The following RALYL variants were observed in gnomAD, a reference collection of about 807,000 sequenced individuals.
RALYL encodes RALY RNA binding protein like.
In RALYL, 29 loss-of-function variants were observed where a neutral mutation model predicts 35.1. The ratio of observed to expected loss-of-function variants is 0.83; its 90% confidence interval spans 0.61 to 1.13. The LOEUF (loss-of-function observed/expected upper bound fraction) is 1.13. Ranked by LOEUF, RALYL falls within the 50% of genes most tolerant of loss-of-function variation. The pLI is 0.00. For synonymous variants in RALYL, 120 were observed against 127.6 expected (o/e 0.94, Z 0.40); for missense variants, 359 against 360.4 (o/e 1.00, Z 0.03).
At chr8:84,868,433 C>T (rs920953908) in intron 6 of RALYL, among the ~76,000 whole-genome samples, 1 of 152,092 alleles carries the variant, frequency 6.6e-6, no homozygotes, top group African/African-American at 2.4e-5. Context: ...GCTCAAGCAA[C>T]TCTCCTGCCT....
At chr8:84,747,407 C>T (rs1808865403) in intron 2 of RALYL, among the ~76,000 whole-genome samples, 2 of 151,840 alleles carry the variant, frequency 1.3e-5, no homozygotes, top group Non-Finnish European at 2.9e-5. Context: ...AATACAATGT[C>T]TCCTTTGACT....
intron 1 of RALYL, among the ~76,000 whole-genome samples, chr8:84,197,945 A>G (rs1025595488): frequency 6.6e-6 from 1 of 152,150 alleles, no homozygotes; most frequent in African/African-American, 2.4e-5. Context: ...GATTTCCAGT[A>G]CCTAGACAGT....
intron 1 of RALYL, among the ~76,000 whole-genome samples, chr8:84,298,663 C>T (rs950993408): frequency 6.6e-6 from 1 of 152,034 alleles, no homozygotes; most frequent in Non-Finnish European, 1.5e-5. Context: ...TCCATTTTAG[C>T]AGTATTGATT....
At chr8:84,562,985 G>A in intron 2 of RALYL, among the ~76,000 whole-genome samples, 1 of 151,860 alleles carries the variant, frequency 6.6e-6, no homozygotes, top group Non-Finnish European at 1.5e-5. Flanking sequence ...TTTCCTTGCA[G>A]AGAAATGTAG....
At chr8:84,860,609 C>G (rs1343186784) in intron 5 of RALYL, among the ~76,000 whole-genome samples, 1 of 152,198 alleles carries the variant, frequency 6.6e-6, no homozygotes, top group East Asian at 1.9e-4. Context: ...CCCTTTTCAG[C>G]CTCATCCTGC....
At position 84,419,231 on chromosome 8, in the gene RALYL, T is replaced by C. The variant is rs143944039; in HGVS notation, c.-23-110068T>C. On this transcript the variant is annotated intron_variant, in intron 1 of 8. Coordinates refer to ENST00000521268, the MANE Select transcript of RALYL (RefSeq NM_173848.7). ...TTCACAGAGGACTTTGCGTTGTGGC[T>C]CATAGTCTTCTTGTTCACCATAATT... 3.3e-5 allele frequency among the ~76,000 whole-genome samples: 5 copies of C among 152,276 alleles called. No individual in the cohort carries two copies. The East Asian group carries it at 9.6e-4, about 29-fold the overall frequency.
In RALYL at chr8:84,194,646, A is replaced by G. The variant is rs140284178; in HGVS notation, c.-24+10222A>G. ...ATTTTTATTAACATCAGAAGTCCAGATAGCAGGTATATAGCTATATTTACT... is the reference window on the plus strand; with the variant it reads ...ATTTTTATTAACATCAGAAGTCCAGGTAGCAGGTATATAGCTATATTTACT... On this transcript the variant is annotated intron_variant, in intron 1 of 8. Coordinates refer to ENST00000521268, the MANE Select transcript of RALYL (RefSeq NM_173848.7). 2.0e-3 allele frequency among the ~76,000 whole-genome samples: 298 copies of G among 152,302 alleles called. 7 individuals are homozygous for G. The highest frequency in any genetic ancestry group is 6.8e-3 in the African/African-American group (284 of 41,580).
At chr8:84,625,660 T>C (rs1822562269) in intron 2 of RALYL, among the ~76,000 whole-genome samples, 1 of 152,258 alleles carries the variant, frequency 6.6e-6, no homozygotes, top group East Asian at 1.9e-4. Context: ...CACAAAGAGG[T>C]TAAGCAACTT....
intron 1 of RALYL, among the ~76,000 whole-genome samples, chr8:84,327,543 G>A (rs1488519670): frequency 6.6e-6 from 1 of 152,104 alleles, no homozygotes; most frequent in Admixed American, 6.6e-5. Context: ...AAATAGTTTT[G>A]TTGGAACACA....
chr8:84,303,746 TA>T (rs1375664124), intron 1 of RALYL, among the ~76,000 whole-genome samples: 1 of 152,204 alleles, frequency 6.6e-6, no homozygotes, highest in African/African-American at 2.4e-5. Context: ...AATAATGATA[TA>T]TTTTTTTGTT....
chr8:84,357,968 T>C (rs1259613928), intron 1 of RALYL, among the ~76,000 whole-genome samples: 1 of 151,652 alleles, frequency 6.6e-6, no homozygotes, highest in Non-Finnish European at 1.5e-5. Context: ...AGTATTTTTC[T>C]TTATGATGTG....
chr8:84,579,192 C>T (rs1810249646), intron 2 of RALYL, among the ~76,000 whole-genome samples: 5 of 152,176 alleles, frequency 3.3e-5, no homozygotes, highest in Admixed American at 3.3e-4. Context: ...CAGCAGGAGG[C>T]AGTCTTGTTG....
chr8:84,906,585 T>C (rs1333376215), intron 8 of RALYL, among the ~76,000 whole-genome samples: 1 of 152,068 alleles, frequency 6.6e-6, no homozygotes, highest in Non-Finnish European at 1.5e-5. Flanking sequence ...TTCCCCAACT[T>C]TTTTCATACC....
chr8:84,575,960 T>TAA (rs1465808657), intron 2 of RALYL, among the ~76,000 whole-genome samples: 1 of 123,446 alleles, frequency 8.1e-6, no homozygotes, highest in African/African-American at 3.3e-5. Flanking sequence ...AGATTTTGTC[T>TAA]CAAAAAAAAA....
At chr8:84,807,913 T>G (rs1825041059) in intron 4 of RALYL, among the ~76,000 whole-genome samples, 1 of 152,218 alleles carries the variant, frequency 6.6e-6, no homozygotes. Context: ...TTCTGGATAT[T>G]AGTCCTTTGT....
At chr8:84,483,368 G>T (rs929858027) in intron 1 of RALYL, among the ~76,000 whole-genome samples, 4 of 152,046 alleles carry the variant, frequency 2.6e-5, no homozygotes, top group Admixed American at 6.5e-5. Flanking sequence ...GAGGTGTAGG[G>T]TATTCATTGC....
At chr8:84,410,739 A>C (rs903582621) in intron 1 of RALYL, among the ~76,000 whole-genome samples, 1 of 151,752 alleles carries the variant, frequency 6.6e-6, no homozygotes, top group African/African-American at 2.4e-5. Flanking sequence ...AACATTTTCT[A>C]TGTTTGATAA....
intron 4 of RALYL, among the ~76,000 whole-genome samples, chr8:84,843,838 C>G (rs1032645342): frequency 7.2e-5 from 11 of 152,086 alleles, no homozygotes; most frequent in South Asian, 2.1e-4. Flanking sequence ...TCTGATCTTT[C>G]ACAAACCTGA....
At chr8:84,331,039 A>G (rs576868880) in intron 1 of RALYL, among the ~76,000 whole-genome samples, 3 of 152,172 alleles carry the variant, frequency 2.0e-5, no homozygotes, top group Non-Finnish European at 4.4e-5. Context: ...GGTGAATTTT[A>G]TTGAAGAATG....
Sources: gnomAD v4.1 joint callset for allele counts (sites outside exome capture counted in the v4.1 genomes callset) on GRCh38, gnomAD v4.1.1 for gene constraint, MANE v1.5 for transcripts, NCBI Gene and HGNC (gene_info 2026-07-23, HGNC 2026-07-21) for gene names.